The following GALNT16 variants were observed in gnomAD, a reference collection of about 807,000 sequenced individuals.
GALNT16 encodes polypeptide N-acetylgalactosaminyltransferase 16.
Under a neutral mutation model 76.1 loss-of-function variants are expected in GALNT16, and 40 were observed. The observed-to-expected ratio is 0.53, with a 90% CI of 0.41 to 0.68. GALNT16 has a LOEUF of 0.68. GALNT16 is among the 30% of genes least tolerant of loss of function. GALNT16 has a pLI of 0.00. For missense variants in GALNT16, 621 were observed against 731.9 expected (o/e 0.85, Z 1.75); for synonymous variants, 276 against 285.2 (o/e 0.97, Z 0.32).
intron 1 of GALNT16, among the ~76,000 whole-genome samples, chr14:69,289,516 A>T (rs2044661859): frequency 6.6e-6 from 1 of 152,084 alleles, no homozygotes; most frequent in Admixed American, 6.5e-5. Context: ...GGCTCGGCCT[A>T]TGTCCTGTGG....
At chr14:69,267,509 G>T (rs1208542414) in intron 1 of GALNT16, among the ~76,000 whole-genome samples, 1 of 152,234 alleles carries the variant, frequency 6.6e-6, no homozygotes, top group Non-Finnish European at 1.5e-5. Context: ...ATAAAGTGAG[G>T]TGTGGCTCTG....
intron 1 of GALNT16, among the ~76,000 whole-genome samples, chr14:69,262,388 A>G (rs191038901): frequency 2.0e-4 from 30 of 152,178 alleles, no homozygotes; most frequent in African/African-American, 7.2e-4. Context: ...AGAATGGTGT[A>G]GGGGACCTGC....
chr14:69,367,465 C>T, the GALNT16 span, among the ~76,000 whole-genome samples: 1 of 151,940 alleles, frequency 6.6e-6, no homozygotes, highest in African/African-American at 2.4e-5. Context: ...ACCTGGAAGA[C>T]TCCCCTCACC....
chr14:69,339,373 T>A (rs1013692956), intron 10 of GALNT16, among the ~76,000 whole-genome samples, 154 bp from the exon 11 acceptor site: 6 of 152,222 alleles, frequency 3.9e-5, no homozygotes, highest in African/African-American at 1.4e-4. Flanking sequence ...ACAGACTGTC[T>A]TCCAAAAGGA....
chr14:69,328,457 C>A lies in GALNT16; in HGVS notation c.576C>A (p.Ile192=), dbSNP rs1594854987. Residue 192 remains isoleucine, a synonymous_variant, in exon 6 of 15, where the codon ATC becomes ATA. Coordinates refer to ENST00000448469, the MANE Select transcript of GALNT16 (RefSeq NM_001168368.2). ...TATCTACTCCTCTTGTAGGGCTGAT[C>A]CGGTCCCGAGTGCGTGGGGCGGACG... The part of the protein sequence containing the change: ...CLRNDRREGL[I]RSRVRGADVA... 1 of 1,613,950 alleles carries A rather than the reference C, an allele frequency of 6.2e-7. No individual in the cohort carries two copies. Among genetic ancestry groups the A allele is most frequent in the East Asian group, 2.2e-5 (1 of 44,874 alleles).
chr14:69,293,435 C>G (rs2044712949), intron 1 of GALNT16, among the ~76,000 whole-genome samples: 1 of 152,236 alleles, frequency 6.6e-6, no homozygotes, highest in South Asian at 2.1e-4. Flanking sequence ...TGGACAAATT[C>G]AAGCCATTTG....
chr14:69,289,322 C>T (rs1245383396), intron 1 of GALNT16, among the ~76,000 whole-genome samples: 3 of 152,052 alleles, frequency 2.0e-5, no homozygotes, highest in African/African-American at 7.2e-5. Flanking sequence ...TTTGAAGTCT[C>T]TGGTTTTAAG....
chr14:69,349,607 G>A (rs975658271), intron 14 of GALNT16: 6 of 152,322 alleles, frequency 3.9e-5, no homozygotes, highest in Middle Eastern at 3.4e-3. Context: ...AGGCTCCTGT[G>A]CCTCAGACCT....
intron 1 of GALNT16, among the ~76,000 whole-genome samples, chr14:69,281,824 C>T (rs73279258): frequency 0.031 from 4,734 of 152,274 alleles, 235 homozygotes; most frequent in African/African-American, 0.11. Context: ...ACTCCAGACA[C>T]AGTCCTCTGC....
intron 2 of GALNT16, among the ~76,000 whole-genome samples, chr14:69,321,563 C>G (rs540841047): frequency 3.9e-5 from 6 of 152,302 alleles, no homozygotes; most frequent in East Asian, 1.9e-4. Context: ...CACCACCCCC[C>G]GCTCCCCATG....
intron 7 of GALNT16, 80 bp downstream of exon 7, chr14:69,331,631 T>A: frequency 1.2e-6 from 1 of 813,748 alleles, no homozygotes. Flanking sequence ...CCTTGCTTGC[T>A]GCTCTTTCCA....
intron 1 of GALNT16, among the ~76,000 whole-genome samples, chr14:69,308,144 A>G (rs893213139): frequency 4.6e-5 from 7 of 152,164 alleles, no homozygotes; most frequent in Admixed American, 2.0e-4. Flanking sequence ...GGAAGGACTT[A>G]CTTTTCATCA....
chr14:69,381,382 T>C, the GALNT16 span, among the ~76,000 whole-genome samples: 478 of 152,358 alleles, frequency 3.1e-3, 4 homozygotes, highest in African/African-American at 0.011. Context: ...GCTAATTTCC[T>C]TCCCCCTGTA....
rs201253605 is a variant in GALNT16 at position 69,324,713 on chromosome 14, C to T, written c.357C>T (p.Ser119=). Reference sequence around the variant, plus strand: ...TCAGCTGCCCATCTGTGTCCTACTCCTCGGACCTGCCAGCCACCAGCGTCA... The same window carrying T: ...TCAGCTGCCCATCTGTGTCCTACTCTTCGGACCTGCCAGCCACCAGCGTCA... The part of the protein sequence containing the change: ...RHYSCPSVSY[S]SDLPATSVII... The change falls in exon 3 of 15, where the codon TCC becomes TCT. Residue 119 remains serine, a synonymous_variant. Transcript: ENST00000448469. 2.5e-6 allele frequency: 4 copies of T among 1,612,012 alleles called. No homozygotes were observed. In the East Asian group the frequency reaches 8.9e-5, roughly 36 times the overall value.
rs2045256438 is a variant in GALNT16, at chr14:69,324,747, T to G, written c.391T>G (p.Phe131Val). The change falls in exon 3 of 15, where the codon TTC (phenylalanine) becomes GTC (valine). Residue 131 changes from phenylalanine to valine, a missense_variant. Phe to Val is a conservative substitution (Grantham distance 50). Transcript: ENST00000448469. ...DLPATSVIIT[F>V]HNEARSTLLR... is the part of the protein sequence containing the mutation. ...GCCAGCCACCAGCGTCATCATCACC[T>G]TCCACAATGAGGCCCGTTCCACCCT... The G allele has an allele frequency of 6.2e-7, 1 of 1,612,962 alleles. No homozygotes were observed. The highest frequency in any genetic ancestry group is 8.5e-7 in the Non-Finnish European group (1 of 1,179,388).
the GALNT16 span, among the ~76,000 whole-genome samples, chr14:69,377,773 C>G: frequency 8.7e-6 from 1 of 114,674 alleles, no homozygotes; most frequent in Admixed American, 1.3e-4. Context: ...CACCACTGCA[C>G]TACAGCCTGG....
At chr14:69,296,462 G>A (rs1030098289) in intron 1 of GALNT16, among the ~76,000 whole-genome samples, 4 of 152,292 alleles carry the variant, frequency 2.6e-5, no homozygotes, top group African/African-American at 9.6e-5. Flanking sequence ...GGGAAGCCGA[G>A]GTGGGCAGAT....
At chr14:69,297,299 A>G (rs55877231) in intron 1 of GALNT16, among the ~76,000 whole-genome samples, 7,678 of 152,274 alleles carry the variant, frequency 0.05, 234 homozygotes, top group Non-Finnish European at 0.066. Flanking sequence ...TGCCTCACCA[A>G]TAGAGTGAGT....
At chr14:69,280,799 C>A (rs114521878) in intron 1 of GALNT16, among the ~76,000 whole-genome samples, 2,186 of 152,110 alleles carry the variant, frequency 0.014, 63 homozygotes, top group African/African-American at 0.05. Flanking sequence ...ATCCAGAGGG[C>A]AACTCCAGGG....
Sources: gnomAD v4.1 joint callset for allele counts (sites outside exome capture counted in the v4.1 genomes callset) on GRCh38, gnomAD v4.1.1 for gene constraint, MANE v1.5 for transcripts, NCBI Gene and HGNC (gene_info 2026-07-23, HGNC 2026-07-21) for gene names.